ENTPD6: variants seen among roughly 807,000 people sequenced by gnomAD.
ENTPD6 encodes CD39 antigen-like 2.
A neutral mutation model predicts 61.5 loss-of-function variants in ENTPD6; 46 were observed. That is an observed-to-expected ratio of 0.75 (90% CI 0.59 to 0.96). The LOEUF (loss-of-function observed/expected upper bound fraction) is 0.96. Ranked by LOEUF, ENTPD6 falls within the 40% of genes least tolerant of loss-of-function variation. ENTPD6 has a pLI of 0.00. For synonymous variants in ENTPD6, 252 were observed against 255.5 expected (o/e 0.99, Z 0.13); for missense variants, 612 against 629.0 (o/e 0.97, Z 0.29).
intron 12 of ENTPD6, 46 bp downstream of exon 12, chr20:25,223,024 GGGC>G: frequency 6.6e-7 from 1 of 1,511,896 alleles, no homozygotes; most frequent in Non-Finnish European, 9.0e-7. Context: ...GGGCGGCAGG[GGGC>G]GGGGGTGGAG....
chr20:25,222,773 C>G, intron 11 of ENTPD6, 65 bp from the exon 12 acceptor site: 1 of 1,586,614 alleles, frequency 6.3e-7, no homozygotes, highest in Non-Finnish European at 8.6e-7. Flanking sequence ...TGGGAGGGGC[C>G]CCAAGCAGCT....
chr20:25,216,631 T>C lies in ENTPD6; in HGVS notation c.710-17T>C. The C allele has an allele frequency of 6.3e-7, 1 of 1,583,334 alleles. No individual in the cohort carries two copies. Among genetic ancestry groups the C allele is most frequent in the Non-Finnish European group, 8.6e-7 (1 of 1,163,716 alleles). On this transcript the variant is annotated splice_polypyrimidine_tract_variant and intron_variant, in intron 7 of 14. Transcript: ENST00000376652. ...CTTACTAATGCCCCTGTGCTGTTTT[T>C]GCTTGCTGTGCTCCAGGCAGCTTGA...
rs779547881 is a variant in ENTPD6, at chr20:25,218,563, G to A, written c.892G>A (p.Gly298Arg). Residue 298 changes from glycine to arginine, a missense_variant, in exon 10 of 15, where the codon GGG becomes AGG. Physicochemically the swap from Gly to Arg is moderately radical, Grantham distance 125. Coordinates refer to ENST00000376652, the MANE Select transcript of ENTPD6 (RefSeq NM_001247.5). ...TCATTCCCACAGCTACCTCGGGCTC[G>A]GGCTGATGTCGGCACGCCTGGCGAT... ...KLYSYSYLGL[G>R]LMSARLAILG... 5.2e-5 allele frequency: 83 copies of A among 1,607,328 alleles called. No homozygotes were observed. Among genetic ancestry groups the A allele is most frequent in the Middle Eastern group, 1.6e-4 (1 of 6,068 alleles).
chr20:25,196,148 A>T, intron 1 of ENTPD6: 1 of 1,218,804 alleles, frequency 8.2e-7, no homozygotes, highest in Non-Finnish European at 1.0e-6. Context: ...GCGTTCATTC[A>T]TTCAGCCCGC....
chr20:25,210,364 G>C (rs548813938), intron 4 of ENTPD6, among the ~76,000 whole-genome samples: 1 of 152,206 alleles, frequency 6.6e-6, no homozygotes, highest in South Asian at 2.1e-4. Context: ...AATTAGTGTT[G>C]GCCAGGCATG....
intron 1 of ENTPD6, chr20:25,196,197 C>A: frequency 8.4e-7 from 1 of 1,190,512 alleles, no homozygotes; most frequent in South Asian, 4.3e-5. Flanking sequence ...AGGGACAGAC[C>A]CCTCCGCCCT....
At chr20:25,213,218 A>G (rs1178289243) in intron 4 of ENTPD6, 45 bp from the exon 5 acceptor site, 2 of 1,612,890 alleles carry the variant, frequency 1.2e-6, no homozygotes, top group South Asian at 1.1e-5. Context: ...GTGACCCTGT[A>G]TGCTGCACTT....
At chr20:25,217,782 C>T (rs535906375) in intron 9 of ENTPD6, among the ~76,000 whole-genome samples, 35 of 151,170 alleles carry the variant, frequency 2.3e-4, no homozygotes, top group Non-Finnish European at 2.5e-4. Flanking sequence ...CTACAGTATA[C>T]GCACATTCAC....
intron 8 of ENTPD6, among the ~76,000 whole-genome samples, chr20:25,217,041 C>A (rs1307120936): frequency 2.0e-5 from 3 of 152,186 alleles, no homozygotes; most frequent in Non-Finnish European, 4.4e-5. Context: ...GCCTCTCTCC[C>A]CTTCAGGGTT....
At chr20:25,212,852 C>G (rs1207089480) in intron 4 of ENTPD6, among the ~76,000 whole-genome samples, 2 of 152,112 alleles carry the variant, frequency 1.3e-5, no homozygotes, top group Non-Finnish European at 2.9e-5. Flanking sequence ...ACTATAGGCT[C>G]CCACCACCAC....
intron 7 of ENTPD6, among the ~76,000 whole-genome samples, chr20:25,216,217 G>A (rs1422963755): frequency 1.3e-5 from 2 of 152,160 alleles, no homozygotes; most frequent in African/African-American, 2.4e-5. Flanking sequence ...TGTTTCTGAT[G>A]TACAGACAAA....
At position 25,215,729 on chromosome 20, in the gene ENTPD6, C is replaced by T. The variant is rs776362126; in HGVS notation, c.709+18C>T. The T allele has an allele frequency of 6.2e-7, 1 of 1,613,970 alleles. No individual in the cohort carries two copies. Among genetic ancestry groups the T allele is most frequent in the East Asian group, 2.2e-5 (1 of 44,880 alleles). ...CCTGACAGGTGTGTGCACACTGCAT[C>T]ACAGAGGCTAGCCGATCACAGACAC... is the stretch of plus-strand genomic sequence containing the variant. On this transcript the variant is annotated intron_variant, in intron 7 of 14. Coordinates refer to ENST00000376652, the MANE Select transcript of ENTPD6 (RefSeq NM_001247.5).
chr20:25,207,287 G>A lies in ENTPD6; in HGVS notation c.266G>A (p.Ser89Asn). ...GCCCGGTGGGGTCAGCAGGCCCACA[G>A]CCCCCTGGGGACAGCTGCAGACGGG... ...PGARWGQQAH[S>N]PLGTAADGHE... is the part of the protein sequence containing the mutation. The change falls in exon 3 of 15, where the codon AGC becomes AAC. Residue 89 changes from serine to asparagine, a missense_variant. Coordinates refer to ENST00000376652, the MANE Select transcript of ENTPD6 (RefSeq NM_001247.5). The A allele has an allele frequency of 6.2e-7, 1 of 1,610,312 alleles. No individual in the cohort carries two copies. Among genetic ancestry groups the A allele is most frequent in the Non-Finnish European group, 8.5e-7 (1 of 1,177,254 alleles).
intron 11 of ENTPD6, chr20:25,222,532 C>A: frequency 3.2e-6 from 1 of 309,522 alleles, no homozygotes; most frequent in Non-Finnish European, 6.0e-6. Context: ...CAGATGGTCC[C>A]AACAGGCCAG....
chr20:25,221,038 G>C (rs2092612846), intron 10 of ENTPD6, among the ~76,000 whole-genome samples, 194 bp from the exon 11 acceptor site: 1 of 152,230 alleles, frequency 6.6e-6, no homozygotes, highest in African/African-American at 2.4e-5. Context: ...GCATGGTCCT[G>C]GTAGCGGTGT....
In ENTPD6 at chr20:25,225,481, C is replaced by T; in HGVS notation, c.1357-18C>T. The T allele has an allele frequency of 6.2e-7, 1 of 1,611,200 alleles. No individual in the cohort carries two copies. On this transcript the variant is annotated intron_variant, in intron 14 of 14. Transcript: ENST00000376652. ...CCTGTCTGTGTGATGGTCCCCTCTC[C>T]CTCTCTGTCTTTTCAAGCTCACTCG... is the stretch of plus-strand genomic sequence containing the variant.
Position 25,222,917 on chromosome 20 carries a change from G to C in ENTPD6, c.1125G>C (p.Lys375Asn). The C allele has an allele frequency of 6.2e-7, 1 of 1,614,146 alleles. No homozygotes were observed. The highest frequency in any genetic ancestry group is 8.5e-7 in the Non-Finnish European group (1 of 1,180,034). ...GAGTGCACAGGACGGAGGAAGTGAA[G>C]CATGTGGACTTCTATGCTTTCTCCT... ...QNRVHRTEEVKHVDFYAFSYY... is the reference protein window; with the variant it reads ...QNRVHRTEEVNHVDFYAFSYY... Residue 375 changes from lysine to asparagine, a missense_variant, in exon 12 of 15, where the codon AAG becomes AAC. Lys to Asn is a moderately conservative substitution (Grantham distance 94, BLOSUM62 0). Coordinates refer to ENST00000376652, the MANE Select transcript of ENTPD6 (RefSeq NM_001247.5).
chr20:25,210,916 T>TG (rs1417834217), intron 4 of ENTPD6, among the ~76,000 whole-genome samples: 1 of 152,228 alleles, frequency 6.6e-6, no homozygotes, highest in African/African-American at 2.4e-5. Context: ...TACTCCAGCC[T>TG]GGGGGACAGA....
intron 5 of ENTPD6, 120 bp downstream of exon 5, chr20:25,213,526 A>G (rs2092119496): frequency 9.8e-7 from 1 of 1,024,476 alleles, no homozygotes; most frequent in Non-Finnish European, 1.4e-6. Context: ...TCTGAAGAAA[A>G]GTTTGCAGCA....
Sources: gnomAD v4.1 joint callset for allele counts (sites outside exome capture counted in the v4.1 genomes callset) on GRCh38, gnomAD v4.1.1 for gene constraint, MANE v1.5 for transcripts, NCBI Gene and HGNC (gene_info 2026-07-23, HGNC 2026-07-21) for gene names.